The following PML variants were observed in gnomAD, a reference collection of about 807,000 sequenced individuals.
The protein encoded by PML is PML nuclear body scaffold.
Under a neutral mutation model 65.2 loss-of-function variants are expected in PML, and 28 were observed. The ratio of observed to expected loss-of-function variants is 0.43; its 90% CI spans 0.32 to 0.59. The LOEUF (loss-of-function observed/expected upper bound fraction) is 0.59. Among genes scored for constraint, PML ranks in the 20% least tolerant of loss-of-function variants. The pLI, the probability that PML is intolerant of heterozygous loss-of-function variation, is 0.08. For missense variants in PML, 1,021 were observed against 1,203.4 expected (o/e 0.85, Z 2.24); for synonymous variants, 500 against 508.8 (o/e 0.98, Z 0.23).
In PML at chr15:74,043,486, AGGCCTCT is replaced by A. The variant is rs2071736166; in HGVS notation, c.1861+351_1861+357del. On this transcript the variant is annotated intron_variant, in intron 8 of 8. Transcript: ENST00000268058. This position sits in a 1 kb window ranked among gnomAD's most constrained non-coding sequence, Gnocchi z 4.3. ...TGCCGTGAGCCCTGTCATCCAAGTA[AGGCCTCT>A]GGCTGTGCTACACGTTTCTGAGTAG... 2.0e-6 allele frequency: 2 copies of A among 1,016,902 alleles called. No homozygotes were observed. Among genetic ancestry groups the A allele is most frequent in the Admixed American group, 6.5e-5 (2 of 30,960 alleles). The allele number at this position is 1,016,902 out of a possible 1,614,324, so 63.0% of individuals were successfully genotyped here.
In PML at chr15:74,045,124, TTG is replaced by T; in HGVS notation, c.*117_*118del. On this transcript the variant is annotated 3_prime_UTR_variant, in exon 9 of 9. Coordinates refer to ENST00000268058, the MANE Select transcript of PML (RefSeq NM_033238.3). ...CTGGTACCCAGCCCTCAGTTGTCAT[TTG>T]GTTCAGAATCAGTTCCCTTTCTCTG... 1 of 961,808 alleles carries T rather than the reference TTG, an allele frequency of 1.0e-6. No homozygotes were observed. Among genetic ancestry groups the T allele is most frequent in the Non-Finnish European group, 1.5e-6 (1 of 659,986 alleles). The allele number at this position is 961,808 out of a possible 1,614,324, so 59.6% of individuals were successfully genotyped here.
At chr15:74,036,815 C>T (rs573051291) in intron 7 of PML, among the ~76,000 whole-genome samples, 2 of 152,344 alleles carry the variant, frequency 1.3e-5, no homozygotes, top group African/African-American at 4.8e-5. Context: ...CCCATTCCCC[C>T]AGACAGCTGC....
In PML at chr15:74,034,846, C is replaced by T. The variant is rs1595916899; in HGVS notation, c.1710+316C>T. 1.8e-5 allele frequency: 26 copies of T among 1,437,940 alleles called. No individual in the cohort carries two copies. The East Asian group carries it at 6.2e-4, about 34-fold the overall frequency. The allele number at this position is 1,437,940 out of a possible 1,614,324, so 89.1% of individuals were successfully genotyped here. On this transcript the variant is annotated intron_variant, in intron 7 of 8. Coordinates refer to ENST00000268058, the MANE Select transcript of PML (RefSeq NM_033238.3). ...TTATGCATTTTCTGTCCTCTAAGTCCTCAGTGAGGAGGGCTGGACAAGAAT... is the reference window on the plus strand; with the variant it reads ...TTATGCATTTTCTGTCCTCTAAGTCTTCAGTGAGGAGGGCTGGACAAGAAT...
chr15:74,047,631 C>T lies in PML; in HGVS notation c.*2623C>T. 1 of 208,644 alleles carries T rather than the reference C, an allele frequency of 4.8e-6. No homozygotes were observed. The highest frequency in any genetic ancestry group is 9.8e-6 in the Non-Finnish European group (1 of 102,520). 12.9% of individuals were successfully genotyped at this position (208,644 alleles called of 1,614,324 possible). A position where few individuals can be genotyped will look rare whatever the true frequency, so the allele number is the denominator to read the frequency against. Reference sequence around the variant, plus strand: ...ACCTCCCTCCTTGATCCTCAGGCTGCACCTCTGGCAAATGGGAGAATGCGG... The same window carrying T: ...ACCTCCCTCCTTGATCCTCAGGCTGTACCTCTGGCAAATGGGAGAATGCGG... On this transcript the variant is annotated 3_prime_UTR_variant, in exon 9 of 9. Coordinates refer to ENST00000268058, the MANE Select transcript of PML (RefSeq NM_033238.3).
At chr15:74,018,579 G>T (rs2070700412) in intron 2 of PML, among the ~76,000 whole-genome samples, 1 of 152,022 alleles carries the variant, frequency 6.6e-6, no homozygotes, top group Non-Finnish European at 1.5e-5. Context: ...GAACTCCTGG[G>T]TGTAGGCAAT....
rs2071718337 is a variant in PML, at chr15:74,042,558, G to C, written c.1711-431G>C. On this transcript the variant is annotated intron_variant, in intron 7 of 8. Transcript: ENST00000268058. This position sits in a 1 kb window ranked among gnomAD's most constrained non-coding sequence, Gnocchi z 5.3. The stretch of plus-strand genomic sequence containing the variant: ...CAGGTCCTGCCTGCCATAGCAGATG[G>C]CTCCTTCCCTGAGCCTCCATAAGCA... 1 of 985,286 alleles carries C rather than the reference G, an allele frequency of 1.0e-6. No individual in the cohort carries two copies. The highest frequency in any genetic ancestry group is 1.2e-6 in the Non-Finnish European group (1 of 829,924). The allele number at this position is 985,286 out of a possible 1,614,324, so 61.0% of individuals were successfully genotyped here.
At chr15:74,018,333 A>AG (rs933072924) in intron 2 of PML, among the ~76,000 whole-genome samples, 10 of 151,786 alleles carry the variant, frequency 6.6e-5, no homozygotes, top group Non-Finnish European at 5.9e-5. Flanking sequence ...AAAAAAAAAA[A>AG]AAAAGAAAAG....
At chr15:74,033,494 A>G in intron 6 of PML, 80 bp downstream of exon 6, 3 of 1,531,368 alleles carry the variant, frequency 2.0e-6, no homozygotes, top group South Asian at 1.1e-5. Context: ...TTTTGGCCCC[A>G]TCCAGAAAGC....
At chr15:74,006,002 C>A (rs745978561) in intron 2 of PML, among the ~76,000 whole-genome samples, 1 of 152,168 alleles carries the variant, frequency 6.6e-6, no homozygotes, top group Non-Finnish European at 1.5e-5. Context: ...AGGTGGATTT[C>A]TCTCCATTAG....
At chr15:74,006,716 C>T (rs2070074570) in intron 2 of PML, among the ~76,000 whole-genome samples, 1 of 152,262 alleles carries the variant, frequency 6.6e-6, no homozygotes, top group East Asian at 1.9e-4. Flanking sequence ...GGCTCATGTT[C>T]TGCATGCTGT....
intron 7 of PML, 177 bp downstream of exon 7, chr15:74,034,707 C>G: frequency 1.3e-6 from 2 of 1,523,652 alleles, no homozygotes; most frequent in Non-Finnish European, 1.8e-6. Context: ...CATGCCTGGA[C>G]CACCCCAGCC....
At chr15:74,014,362 C>T (rs2070467176) in intron 2 of PML, among the ~76,000 whole-genome samples, 2 of 151,804 alleles carry the variant, frequency 1.3e-5, no homozygotes, top group South Asian at 2.1e-4. Flanking sequence ...GATAGAGTCT[C>T]GCTCTGCCTC....
chr15:74,035,247 C>T lies in PML; in HGVS notation c.1710+717C>T, dbSNP rs778435415. On this transcript the variant is annotated intron_variant, in intron 7 of 8. Transcript: ENST00000268058. This position sits in a 1 kb window ranked among gnomAD's most constrained non-coding sequence, Gnocchi z 4.1. ...CTCGCCAGCCCACTCCTCGCCAGCCCACTCCTCGCCAGTCCAGTCTCTGCT... is the reference window on the plus strand; with the variant it reads ...CTCGCCAGCCCACTCCTCGCCAGCCTACTCCTCGCCAGTCCAGTCTCTGCT... The T allele has an allele frequency of 2.5e-6, 4 of 1,610,376 alleles. No individual in the cohort carries two copies. The South Asian group carries it at 3.3e-5, about 13-fold the overall frequency.
At chr15:74,029,307 C>T (rs1412540902) in intron 4 of PML, among the ~76,000 whole-genome samples, 2 of 152,050 alleles carry the variant, frequency 1.3e-5, no homozygotes, top group African/African-American at 4.8e-5. Context: ...TACATATGCA[C>T]ACACATACTG....
chr15:74,035,979 C>T lies in PML; in HGVS notation c.1710+1449C>T, dbSNP rs1432674203. On this transcript the variant is annotated intron_variant, in intron 7 of 8. Coordinates refer to ENST00000268058, the MANE Select transcript of PML (RefSeq NM_033238.3). This position sits in a 1 kb window ranked among gnomAD's most constrained non-coding sequence, Gnocchi z 4.1. ...GTGCTACCCTTCTCTTGTAACCTTG[C>T]AGCCAACACCCCTGCCCGGCCCCTG... The T allele has an allele frequency of 6.2e-7, 1 of 1,614,108 alleles. No individual in the cohort carries two copies. Among genetic ancestry groups the T allele is most frequent in the Non-Finnish European group, 8.5e-7 (1 of 1,180,034 alleles).
chr15:74,044,717 G>A lies in PML; in HGVS notation c.2358G>A (p.Gln786=). 2 of 1,609,404 alleles carry A rather than the reference G, an allele frequency of 1.2e-6. No homozygotes were observed. Among genetic ancestry groups the A allele is most frequent in the East Asian group, 2.2e-5 (1 of 44,872 alleles). ...QCFASLQPLV[Q]AAVLPRAEAR... ...TTGCCTCCCTGCAGCCCCTGGTGCA[G>A]GCAGCTGTGCTGCCCCGGGCTGAGG... The change falls in exon 9 of 9, where the codon CAG becomes CAA. Residue 786 remains glutamine (Q), a synonymous_variant. Coordinates refer to ENST00000268058, the MANE Select transcript of PML (RefSeq NM_033238.3).
At chr15:74,029,290 T>C (rs899725855) in intron 4 of PML, among the ~76,000 whole-genome samples, 2 of 152,160 alleles carry the variant, frequency 1.3e-5, no homozygotes, top group African/African-American at 2.4e-5. Flanking sequence ...TCTTAACTTA[T>C]AGTATATACA....
At chr15:74,002,410 C>T (rs541318519) in intron 2 of PML, among the ~76,000 whole-genome samples, 5 of 148,898 alleles carry the variant, frequency 3.4e-5, no homozygotes, top group Non-Finnish European at 5.9e-5. Context: ...TGTGTATCTC[C>T]ACGCTATTGA....
At position 74,035,777 on chromosome 15, in the gene PML, C is replaced by G; in HGVS notation, c.1710+1247C>G. The G allele has an allele frequency of 6.2e-7, 1 of 1,614,140 alleles. No individual in the cohort carries two copies. The highest frequency in any genetic ancestry group is 8.5e-7 in the Non-Finnish European group (1 of 1,180,016). ...CTTCCGTGGTGGGGGCAGGGGAAAG[C>G]AGAGCCCAGACTCTTGGAGCAGGTG... On this transcript the variant is annotated intron_variant, in intron 7 of 8. Transcript: ENST00000268058. The surrounding 1 kb of genome is among the most constrained non-coding windows in gnomAD (Gnocchi z 4.1).
Sources: allele counts gnomAD v4.1 joint callset (sites outside exome capture counted in the v4.1 genomes callset), GRCh38; gene constraint gnomAD v4.1.1; non-coding constraint Gnocchi (gnomAD v3.1); transcripts MANE v1.5; gene names NCBI Gene and HGNC (gene_info 2026-07-23, HGNC 2026-07-21).